RNASEH2C: variants seen among roughly 807,000 people sequenced by gnomAD.
RNASEH2C encodes the protein ribonuclease H2 subunit C.
In RNASEH2C, 20 loss-of-function variants were observed where a neutral mutation model predicts 16.3. That is an observed-to-expected ratio of 1.23 (90% CI 0.86 to 1.79). The LOEUF (loss-of-function observed/expected upper bound fraction) is 1.79. Among genes scored for constraint, RNASEH2C ranks in the 40% most tolerant of loss-of-function variants. The probability of loss-of-function intolerance (pLI) is 0.00; values close to 1 mark genes in which losing one functional copy is unlikely to be tolerated. For synonymous variants in RNASEH2C, 106 were observed against 98.9 expected (o/e 1.07, Z -0.43); for missense variants, 296 against 235.9 (o/e 1.25, Z -1.67).
rs1469592061 is a variant in RNASEH2C, at chr11:65,719,562, C to CTT, written c.*219_*220dup. On this transcript the variant is annotated 3_prime_UTR_variant, in exon 4 of 4. Coordinates refer to ENST00000308418, the MANE Select transcript of RNASEH2C (RefSeq NM_032193.4). ...CTGGCTGCAAAAATTTCTGGCTTCT[C>CTT]TTACCCCTATTGCCCCCGGCAATAA... is the stretch of plus-strand genomic sequence containing the variant. The CTT allele has an allele frequency of 1.1e-5, 7 of 637,736 alleles. No individual in the cohort carries two copies. In the Admixed American group the frequency reaches 1.6e-4, roughly 15 times the overall value. The allele number at this position is 637,736 out of a possible 1,614,324, so 39.5% of individuals were successfully genotyped here.
Position 65,719,661 on chromosome 11 carries a change from T to C in RNASEH2C, c.*122A>G. The C allele has an allele frequency of 9.5e-7, 1 of 1,053,224 alleles. No homozygotes were observed. The highest frequency in any genetic ancestry group is 2.4e-5 in the East Asian group (1 of 42,214). The allele number at this position is 1,053,224 out of a possible 1,614,324, so 65.2% of individuals were successfully genotyped here. On this transcript the variant is annotated 3_prime_UTR_variant, in exon 4 of 4. Transcript: ENST00000308418. ...AAAGGGCCCATGCTGGCTTAGGGGC[T>C]CTAAGGCGCCCAGACTCACAGGTGC...
Position 65,718,975 on chromosome 11 carries a change from G to A in RNASEH2C, c.*808C>T. On this transcript the variant is annotated 3_prime_UTR_variant, in exon 4 of 4. Coordinates refer to ENST00000308418, the MANE Select transcript of RNASEH2C (RefSeq NM_032193.4). ...ACAAGGTAGGGAGGCAGGCAGGGGA[G>A]ACAGGTGTGTGGGATGCAGAGTGCA... The A allele has an allele frequency of 6.2e-7, 1 of 1,614,156 alleles. No individual in the cohort carries two copies. Among genetic ancestry groups the A allele is most frequent in the Non-Finnish European group, 8.5e-7 (1 of 1,179,984 alleles).
chr11:65,719,267 A>C lies in RNASEH2C; in HGVS notation c.*516T>G, dbSNP rs1001622169. ...GCCCCCACTGCAGCTCCCACAAAGC[A>C]CTCTAAGGGAGATGGGGCTGAGGAC... On this transcript the variant is annotated 3_prime_UTR_variant, in exon 4 of 4. Coordinates refer to ENST00000308418, the MANE Select transcript of RNASEH2C (RefSeq NM_032193.4). 27 of 1,477,468 alleles carry C rather than the reference A, an allele frequency of 1.8e-5. No individual in the cohort carries two copies. The highest frequency in any genetic ancestry group is 2.0e-4 in the Middle Eastern group (1 of 4,964). The allele number at this position is 1,477,468 out of a possible 1,614,324, so 91.5% of individuals were successfully genotyped here.
chr11:65,720,213 C>T (rs1362323404), intron 2 of RNASEH2C, 29 bp downstream of exon 2: 1 of 1,614,260 alleles, frequency 6.2e-7, no homozygotes, highest in Non-Finnish European at 8.5e-7. Flanking sequence ...CCCGCCCGCA[C>T]CCCCTTTCAA....
At chr11:65,720,453 C>T (rs2135653473) in intron 1 of RNASEH2C, 36 bp from the exon 2 acceptor site, 1 of 1,609,892 alleles carries the variant, frequency 6.2e-7, no homozygotes, top group South Asian at 1.1e-5. Flanking sequence ...CAGGCAGGAC[C>T]CACGCTGGGT....
At position 65,720,768 on chromosome 11, in the gene RNASEH2C, T is replaced by C. The variant is rs77371161; in HGVS notation, c.-10A>G. The C allele has an allele frequency of 1.2e-3, 1,841 of 1,579,226 alleles. 16 individuals carry two copies. In the East Asian group the frequency reaches 0.016, roughly 13 times the overall value. ...CGTCGCCGCTCTCCATCCTCCCTCC[T>C]ACGCGACGCCAGGGCTCGCGAGCTG... On this transcript the variant is annotated 5_prime_UTR_variant, in exon 1 of 4. Coordinates refer to ENST00000308418, the MANE Select transcript of RNASEH2C (RefSeq NM_032193.4).
Position 65,720,052 on chromosome 11 carries a change from G to A in RNASEH2C, c.461C>T (p.Ala154Val), listed in dbSNP as rs746647905. 4 of 1,613,600 alleles carry A rather than the reference G, an allele frequency of 2.5e-6. No homozygotes were observed. Among genetic ancestry groups the A allele is most frequent in the South Asian group, 2.2e-5 (2 of 91,086 alleles). The change falls in exon 3 of 4, where the codon GCG becomes GTG. Residue 154 changes from alanine (A) to valine (V), a missense_variant. Ala to Val is a moderately conservative substitution (Grantham distance 64). Coordinates refer to ENST00000308418, the MANE Select transcript of RNASEH2C (RefSeq NM_032193.4). ...AACTCCTCGTCTACTCACCGCTGCCGCAAGGCTGGGCCAAGTTAAGGCCCC... is the reference window on the plus strand; with the variant it reads ...AACTCCTCGTCTACTCACCGCTGCCACAAGGCTGGGCCAAGTTAAGGCCCC... ...VRGALTWPSL[A>V]AAIHAQVPED
Position 65,720,725 on chromosome 11 carries a change from G to T in RNASEH2C, c.34C>A (p.His12Asn). ...ESGDEAAIER[H>N]RVHLRSATLR... Reference sequence around the variant, plus strand: ...GTGGCGGAGCGCAAGTGGACGCGGTGCCTCTCGATGGCCGCTTCGTCGCCG... The same window carrying T: ...GTGGCGGAGCGCAAGTGGACGCGGTTCCTCTCGATGGCCGCTTCGTCGCCG... The change falls in exon 1 of 4, where the codon CAC becomes AAC. Residue 12 changes from histidine to asparagine, a missense_variant. By Grantham distance (68) the His-to-Asn change is moderately conservative. Coordinates refer to ENST00000308418, the MANE Select transcript of RNASEH2C (RefSeq NM_032193.4). 6.3e-7 allele frequency: 1 copy of T among 1,597,462 alleles called. No individual in the cohort carries two copies.
chr11:65,719,839 C>T (rs780097976), intron 3 of RNASEH2C, 30 bp from the exon 4 acceptor site: 6 of 1,613,904 alleles, frequency 3.7e-6, no homozygotes, highest in Middle Eastern at 3.3e-4. Context: ...TACTGTTGGA[C>T]TTGTAAGACA....
intron 1 of RNASEH2C, 68 bp from the exon 2 acceptor site, chr11:65,720,485 G>A: frequency 6.3e-7 from 1 of 1,592,816 alleles, no homozygotes; most frequent in African/African-American, 1.3e-5. Context: ...CTGCCCTCCC[G>A]CCACCTCCGG....
Position 65,718,493 on chromosome 11 carries a change from A to G in RNASEH2C, c.*1290T>C. ...AACTGCCAAGTGGCAGGGCCATGAT[A>G]GGAACTAGGCAGCCTGCCTTGGCAA... On this transcript the variant is annotated 3_prime_UTR_variant, in exon 4 of 4. Coordinates refer to ENST00000308418, the MANE Select transcript of RNASEH2C (RefSeq NM_032193.4). 1 of 1,278,642 alleles carries G rather than the reference A, an allele frequency of 7.8e-7. No homozygotes were observed. The highest frequency in any genetic ancestry group is 1.4e-5 in the South Asian group (1 of 72,950). The allele number at this position is 1,278,642 out of a possible 1,614,324, so 79.2% of individuals were successfully genotyped here. A position where few individuals can be genotyped will look rare whatever the true frequency, so the allele number is the denominator to read the frequency against.
rs758470933 is a variant in RNASEH2C, at chr11:65,720,297, G to A, written c.293C>T (p.Pro98Leu). The A allele has an allele frequency of 1.9e-6, 3 of 1,614,220 alleles. No individual in the cohort carries two copies. Among genetic ancestry groups the A allele is most frequent in the East Asian group, 4.5e-5 (2 of 44,848 alleles). Reference protein sequence around the residue: ...EKKVSMGKPDPLRDSGTDDQE... With the variant: ...EKKVSMGKPDLLRDSGTDDQE... ...GTCGTCAGTCCCGGAATCCCGCAAGGGGTCTGGCTTCCCCATCGACACCTT... is the reference window on the plus strand; with the variant it reads ...GTCGTCAGTCCCGGAATCCCGCAAGAGGTCTGGCTTCCCCATCGACACCTT... The change falls in exon 2 of 4, where the codon CCC becomes CTC. Residue 98 changes from proline (P) to leucine (L), a missense_variant. Pro to Leu is a moderately conservative substitution (Grantham distance 98). Transcript: ENST00000308418.
In RNASEH2C at chr11:65,719,180, G is replaced by A. The variant is rs757335339; in HGVS notation, c.*603C>T. Reference sequence around the variant, plus strand: ...GACTGGAGCAAGAGGGGGAAGTGGTGACCAGACACTGCCCACTGCAGTGCC... The same window carrying A: ...GACTGGAGCAAGAGGGGGAAGTGGTAACCAGACACTGCCCACTGCAGTGCC... On this transcript the variant is annotated 3_prime_UTR_variant, in exon 4 of 4. Coordinates refer to ENST00000308418, the MANE Select transcript of RNASEH2C (RefSeq NM_032193.4). 1.2e-6 allele frequency: 2 copies of A among 1,613,648 alleles called. No homozygotes were observed. The highest frequency in any genetic ancestry group is 2.7e-5 in the African/African-American group (2 of 75,066).
rs777480862 is a variant in RNASEH2C at position 65,719,846 on chromosome 11, G to C, written c.469-37C>G. 34 of 1,613,766 alleles carry C rather than the reference G, an allele frequency of 2.1e-5. No individual in the cohort carries two copies. In the South Asian group the frequency reaches 2.4e-4, roughly 11 times the overall value. ...GTCGCCTCTACTGTTGGACTTGTAAGACAGGGCGGCAAGCTGGCCCCCATA... is the reference window on the plus strand; with the variant it reads ...GTCGCCTCTACTGTTGGACTTGTAACACAGGGCGGCAAGCTGGCCCCCATA... On this transcript the variant is annotated intron_variant, in intron 3 of 3. Transcript: ENST00000308418.
At position 65,717,960 on chromosome 11, in the gene RNASEH2C, C is replaced by G. The variant is rs1380411569; in HGVS notation, c.*1823G>C. On this transcript the variant is annotated 3_prime_UTR_variant, in exon 4 of 4. Transcript: ENST00000308418. ...TCAGGGCTGTGCAGGGTCTGAGGAT[C>G]TCACTGGGGACGGCCTCCCAGCGGC... 6.5e-6 allele frequency: 1 copy of G among 153,696 alleles called. No homozygotes were observed. Among genetic ancestry groups the G allele is most frequent in the African/African-American group, 2.4e-5 (1 of 41,450 alleles). The allele number at this position is 153,696 out of a possible 1,614,324, so 9.5% of individuals were successfully genotyped here. A position where few individuals can be genotyped will look rare whatever the true frequency, so the allele number is the denominator to read the frequency against.
Position 65,717,991 on chromosome 11 carries a change from A to T in RNASEH2C, c.*1792T>A, listed in dbSNP as rs1857259845. The T allele has an allele frequency of 6.5e-6, 1 of 153,556 alleles. No individual in the cohort carries two copies. The highest frequency in any genetic ancestry group is 1.4e-5 in the Non-Finnish European group (1 of 69,108). The allele number at this position is 153,556 out of a possible 1,614,324, so 9.5% of individuals were successfully genotyped here. Reference sequence around the variant, plus strand: ...GGGGACGGCCTCCCAGCGGCCAGCTATCAGCACGAGTTGGAGGGAAAGAGC... The same window carrying T: ...GGGGACGGCCTCCCAGCGGCCAGCTTTCAGCACGAGTTGGAGGGAAAGAGC... On this transcript the variant is annotated 3_prime_UTR_variant, in exon 4 of 4. Coordinates refer to ENST00000308418, the MANE Select transcript of RNASEH2C (RefSeq NM_032193.4).
At position 65,718,555 on chromosome 11, in the gene RNASEH2C, CCTCTTA is replaced by C. The variant is rs1857284998; in HGVS notation, c.*1222_*1227del. The C allele has an allele frequency of 1.3e-6, 2 of 1,597,114 alleles. No homozygotes were observed. Among genetic ancestry groups the C allele is most frequent in the Non-Finnish European group, 1.7e-6 (2 of 1,169,144 alleles). On this transcript the variant is annotated 3_prime_UTR_variant, in exon 4 of 4. Transcript: ENST00000308418. ...AAATGTTGCTTATGTTCATCTGTGA[CCTCTTA>C]CTCACCCTCTCCTGCTCCATTGCTT...
chr11:65,720,023 A>C, intron 3 of RNASEH2C, 22 bp downstream of exon 3: 1 of 1,612,320 alleles, frequency 6.2e-7, no homozygotes, highest in Non-Finnish European at 8.5e-7. Context: ...CGGGGGCAAG[A>C]CGGAACTCCT....
chr11:65,718,030 AGT>A lies in RNASEH2C; in HGVS notation c.*1751_*1752del, dbSNP rs1415916342. 1 of 153,608 alleles carries A rather than the reference AGT, an allele frequency of 6.5e-6. No individual in the cohort carries two copies. Among genetic ancestry groups the A allele is most frequent in the Non-Finnish European group, 1.4e-5 (1 of 69,296 alleles). 9.5% of individuals were successfully genotyped at this position (153,608 alleles called of 1,614,324 possible). A position where few individuals can be genotyped will look rare whatever the true frequency, so the allele number is the denominator to read the frequency against. On this transcript the variant is annotated 3_prime_UTR_variant, in exon 4 of 4. Transcript: ENST00000308418. ...GAGGGAAAGAGCCATGGTGGGGGTC[AGT>A]CACGTGGCTCCCAGGAATGGTCTCC...
Sources: allele counts gnomAD v4.1 joint callset, GRCh38; gene constraint gnomAD v4.1.1; transcripts MANE v1.5; gene names NCBI Gene and HGNC (gene_info 2026-07-23, HGNC 2026-07-21).